Variants in RSF1 observed in about 807,000 individuals in gnomAD.
The protein encoded by RSF1 is remodeling and spacing factor 1.
A neutral mutation model predicts 145.2 loss-of-function variants in RSF1; 13 were observed. That is an observed-to-expected ratio of 0.09 (90% CI 0.06 to 0.14). The LOEUF (loss-of-function observed/expected upper bound fraction) is 0.14. RSF1 is among the 10% of genes least tolerant of loss of function. The pLI is 1.00. For synonymous variants in RSF1, 577 were observed against 592.6 expected (o/e 0.97, Z 0.38); for missense variants, 1,517 against 1,718.2 (o/e 0.88, Z 2.07).
the RSF1 span, among the ~76,000 whole-genome samples, chr11:77,854,208 T>G: frequency 6.6e-6 from 1 of 151,982 alleles, no homozygotes; most frequent in Non-Finnish European, 1.5e-5. Context: ...TAGCCAGGAT[T>G]GGCTCGATCT....
intron 1 of RSF1, among the ~76,000 whole-genome samples, chr11:77,814,157 G>A (rs618535): frequency 0.35 from 51,711 of 149,290 alleles, 9,071 homozygotes; most frequent in East Asian, 0.47. Context: ...CCAGGATCGC[G>A]CCACTGCACT....
chr11:77,820,424 A>G, intron 1 of RSF1, 104 bp downstream of exon 1: 1 of 1,223,474 alleles, frequency 8.2e-7, no homozygotes, highest in Non-Finnish European at 1.1e-6. Flanking sequence ...GGGAAGACAG[A>G]GCCGCGGAGG....
At chr11:77,783,403 G>A (rs952331047) in intron 1 of RSF1, among the ~76,000 whole-genome samples, 4 of 152,150 alleles carry the variant, frequency 2.6e-5, no homozygotes, top group African/African-American at 7.2e-5. Flanking sequence ...ATCCGAAGAT[G>A]TTTCTTGTAG....
At chr11:77,803,510 G>A (rs1432009074) in intron 1 of RSF1, among the ~76,000 whole-genome samples, 1 of 151,252 alleles carries the variant, frequency 6.6e-6, no homozygotes, top group Non-Finnish European at 1.5e-5. Flanking sequence ...TGGGCATAGT[G>A]GCTCATGCCT....
intron 1 of RSF1, among the ~76,000 whole-genome samples, chr11:77,770,986 G>A (rs1590877119): frequency 1.3e-5 from 2 of 152,154 alleles, no homozygotes; most frequent in African/African-American, 2.4e-5. Context: ...TAGTACTTGG[G>A]GCAATGGCTT....
chr11:77,872,101 C>A, the RSF1 span: 2 of 1,483,584 alleles, frequency 1.3e-6, no homozygotes, highest in Non-Finnish European at 1.8e-6. Context: ...GTAGAGTACA[C>A]CTGCCTCATG....
the RSF1 span, among the ~76,000 whole-genome samples, chr11:77,855,684 C>A: frequency 6.8e-6 from 1 of 147,858 alleles, no homozygotes; most frequent in Non-Finnish European, 1.5e-5. Context: ...CCTTTATAAT[C>A]TGCTTCCCTT....
intron 5 of RSF1, among the ~76,000 whole-genome samples, chr11:77,711,238 C>T (rs950598518): frequency 2.0e-5 from 3 of 151,920 alleles, no homozygotes; most frequent in African/African-American, 7.3e-5. Context: ...GCATTTCCCA[C>T]ACTGAAAATC....
intron 1 of RSF1, among the ~76,000 whole-genome samples, chr11:77,792,246 A>G (rs1948524923): frequency 6.6e-6 from 1 of 152,090 alleles, no homozygotes; most frequent in Non-Finnish European, 1.5e-5. Context: ...ACAGCACCAG[A>G]AAGACCTGCC....
At chr11:77,781,551 C>G (rs1206984198) in intron 1 of RSF1, among the ~76,000 whole-genome samples, 1 of 152,232 alleles carries the variant, frequency 6.6e-6, no homozygotes, top group East Asian at 1.9e-4. Context: ...AACTCCCAAA[C>G]ATTTTGCCAA....
intron 1 of RSF1, among the ~76,000 whole-genome samples, chr11:77,796,345 G>A (rs1197540575): frequency 6.6e-6 from 1 of 152,128 alleles, no homozygotes. Context: ...GGGATGCAAG[G>A]CTGGTTCAAC....
the RSF1 span, among the ~76,000 whole-genome samples, chr11:77,837,417 T>G: frequency 6.6e-6 from 1 of 151,044 alleles, no homozygotes; most frequent in African/African-American, 2.4e-5. Flanking sequence ...ATCACAGATG[T>G]AAGCCACTGC....
intron 2 of RSF1, among the ~76,000 whole-genome samples, chr11:77,750,749 T>C (rs900776922): frequency 1.3e-5 from 2 of 152,248 alleles, no homozygotes; most frequent in Non-Finnish European, 2.9e-5. Flanking sequence ...CAATTTCTCT[T>C]GAGGGAGAGA....
At chr11:77,691,350 A>C in intron 8 of RSF1, 112 bp from the exon 9 acceptor site, 1 of 795,940 alleles carries the variant, frequency 1.3e-6, no homozygotes, top group Non-Finnish European at 2.1e-6. Flanking sequence ...GGGACCACAT[A>C]GTAAGTGAAC....
Position 77,671,993 on chromosome 11 carries a change from T to C in RSF1, c.3751+49A>G, listed in dbSNP as rs373965953. 1.6e-5 allele frequency: 23 copies of C among 1,448,602 alleles called. No homozygotes were observed. The African/African-American group carries it at 2.9e-4, about 18-fold the overall frequency. 89.7% of individuals were successfully genotyped at this position (1,448,602 alleles called of 1,614,324 possible). Reference sequence around the variant, plus strand: ...ACAATCCTGAGTTCACTTTATAATGTCTATTTTGCCCTGTCCAAACTTCTA... The same window carrying C: ...ACAATCCTGAGTTCACTTTATAATGCCTATTTTGCCCTGTCCAAACTTCTA... On this transcript the variant is annotated intron_variant, in intron 15 of 15. Transcript: ENST00000308488.
At chr11:77,819,430 C>T (rs1441910605) in intron 1 of RSF1, among the ~76,000 whole-genome samples, 1 of 152,198 alleles carries the variant, frequency 6.6e-6, no homozygotes, top group Non-Finnish European at 1.5e-5. Flanking sequence ...GCAGGCGCAG[C>T]GCTGAGATGC....
At chr11:77,814,847 T>C (rs1469480860) in intron 1 of RSF1, among the ~76,000 whole-genome samples, 3 of 152,244 alleles carry the variant, frequency 2.0e-5, no homozygotes, top group African/African-American at 7.2e-5. Context: ...TCCTCTATTA[T>C]TGTGGTTCAA....
At chr11:77,709,979 G>C (rs1162384931) in intron 5 of RSF1, among the ~76,000 whole-genome samples, 2 of 152,078 alleles carry the variant, frequency 1.3e-5, no homozygotes, top group Admixed American at 6.5e-5. Context: ...AAGGTATCAA[G>C]AATTTTTTAA....
At chr11:77,745,845 T>C (rs1947993968) in intron 3 of RSF1, among the ~76,000 whole-genome samples, 1 of 152,006 alleles carries the variant, frequency 6.6e-6, no homozygotes, top group African/African-American at 2.4e-5. Context: ...TGCCTTTGCC[T>C]ATGTCAGCTA....
Sources: allele counts gnomAD v4.1 joint callset (sites outside exome capture counted in the v4.1 genomes callset), GRCh38; gene constraint gnomAD v4.1.1; transcripts MANE v1.5; gene names NCBI Gene and HGNC (gene_info 2026-07-23, HGNC 2026-07-21).